The following STT3A variants were observed in gnomAD, a reference collection of about 807,000 sequenced individuals.
The protein encoded by STT3A is STT3 oligosaccharyltransferase complex catalytic subunit A, also known as dolichyl-diphosphooligosaccharide--protein glycosyltransferase subunit STT3A.
In STT3A, 34 loss-of-function variants were observed where a neutral mutation model predicts 89.2. That is an observed-to-expected ratio of 0.38 (90% CI 0.29 to 0.51). STT3A has a LOEUF of 0.51. STT3A is among the 20% of genes least tolerant of loss of function. The pLI is 0.89. For missense variants in STT3A, 555 were observed against 889.5 expected, an observed-to-expected ratio of 0.62 and a Z score of 4.78; for synonymous variants, 282 against 310.3, an observed-to-expected ratio of 0.91 and a Z score of 0.96.
chr11:125,604,770 T>TG (rs1407456456), intron 6 of STT3A, among the ~76,000 whole-genome samples: 1 of 152,226 alleles, frequency 6.6e-6, no homozygotes, highest in Non-Finnish European at 1.5e-5. Flanking sequence ...GATAGTACTA[T>TG]GTGCCATGAT....
Position 125,612,746 on chromosome 11 carries a change from A to G in STT3A, c.1364A>G (p.Glu455Gly). 1 of 1,613,766 alleles carries G rather than the reference A, an allele frequency of 6.2e-7. No individual in the cohort carries two copies. The highest frequency in any genetic ancestry group is 8.5e-7 in the Non-Finnish European group (1 of 1,179,844). Residue 455 changes from glutamate (E) to glycine (G), a missense_variant and splice_region_variant, in exon 12 of 18, where the codon GAA becomes GGA. Physicochemically the swap from Glu to Gly is moderately conservative, Grantham distance 98 (BLOSUM62 -2). Transcript: ENST00000392708. ...GATTCCACCTACCCTATTAAGAATG[A>G]AGTGAGAAGCAATGTTAAGAGTAGA... is the stretch of plus-strand genomic sequence containing the variant. ...QQDSTYPIKN[E>G]VASGMILVMA... is the part of the protein sequence containing the mutation.
chr11:125,597,414 A>C (rs1249891998), intron 3 of STT3A, among the ~76,000 whole-genome samples: 1 of 88,452 alleles, frequency 1.1e-5, no homozygotes, highest in African/African-American at 4.8e-5. Context: ...GTGAAACCCC[A>C]TCTCTACAAA....
At chr11:125,610,115 G>A (rs1757156346) in intron 10 of STT3A, among the ~76,000 whole-genome samples, 1 of 149,072 alleles carries the variant, frequency 6.7e-6, no homozygotes, top group Non-Finnish European at 1.5e-5. Flanking sequence ...TAGGCTTCAG[G>A]GCAGTGGTAC....
intron 15 of STT3A, among the ~76,000 whole-genome samples, chr11:125,615,047 G>A (rs1402434765): frequency 1.3e-5 from 2 of 152,024 alleles, no homozygotes; most frequent in Non-Finnish European, 2.9e-5. Flanking sequence ...AGGCCAAGGC[G>A]GGCGGATCAC....
upstream of STT3A, chr11:125,592,286 G>A: frequency 2.5e-6 from 1 of 399,568 alleles, no homozygotes; most frequent in Admixed American, 2.8e-5. Flanking sequence ...AAAAGCTCGA[G>A]TCAACTATCA....
intron 9 of STT3A, 33 bp downstream of exon 9, chr11:125,608,322 C>CTT: frequency 6.7e-7 from 1 of 1,496,402 alleles, no homozygotes; most frequent in Non-Finnish European, 9.0e-7. Flanking sequence ...TTCCTTTTTT[C>CTT]TTTTTTTTTA....
At chr11:125,611,184 ATATAG>A (rs1167508948) in intron 10 of STT3A, 3 of 329,022 alleles carry the variant, frequency 9.1e-6, no homozygotes, top group African/African-American at 4.2e-5. Context: ...CATTTTATAA[ATATAG>A]TATAATTAGC....
At chr11:125,604,037 A>G (rs1939764888) in intron 5 of STT3A, 120 bp from the exon 6 acceptor site, 2 of 1,004,522 alleles carry the variant, frequency 2.0e-6, no homozygotes, top group Non-Finnish European at 2.9e-6. Flanking sequence ...TCTCACATCT[A>G]CCTTCGAAAT....
At chr11:125,601,078 T>C (rs759111518) in intron 3 of STT3A, among the ~76,000 whole-genome samples, 2 of 152,234 alleles carry the variant, frequency 1.3e-5, no homozygotes, top group Non-Finnish European at 2.9e-5. Flanking sequence ...TGAGCTGCCA[T>C]GCCTGGCTGT....
At position 125,609,431 on chromosome 11, in the gene STT3A, T is replaced by C. The variant is rs1451096421; in HGVS notation, c.962-3T>C. The C allele has an allele frequency of 6.3e-7, 1 of 1,599,302 alleles. No homozygotes were observed. Among genetic ancestry groups the C allele is most frequent in the Non-Finnish European group, 8.5e-7 (1 of 1,174,570 alleles). ...GGAATATTTATTGCCTCTTTGCTGC[T>C]AGGAAAAATATCTCCCTGGACGGGG... On this transcript the variant is annotated splice_polypyrimidine_tract_variant and splice_region_variant and intron_variant, in intron 9 of 17. Coordinates refer to ENST00000392708, the MANE Select transcript of STT3A (RefSeq NM_152713.5).
intron 10 of STT3A, chr11:125,611,183 A>C (rs1028956620): frequency 9.6e-6 from 3 of 313,734 alleles, no homozygotes; most frequent in Admixed American, 4.6e-5. Flanking sequence ...CCATTTTATA[A>C]ATATAGTATA....
rs59685125 is a variant in STT3A, at chr11:125,611,863, ATTTTTTTTTTTTTTTTT to A, written c.1209+359_1209+375del. Among the ~76,000 whole-genome samples the A allele has an allele frequency of 1.1e-4, 6 of 56,972 alleles. No individual in the cohort carries two copies. In the South Asian group the frequency reaches 2.4e-3, roughly 23 times the overall value. The allele number at this position is 56,972 out of a possible 152,430, so 37.4% of individuals were successfully genotyped here. A position where few individuals can be genotyped will look rare whatever the true frequency, so the allele number is the denominator to read the frequency against. Reference sequence around the variant, plus strand: ...CTAGATTGTTAGAGGAGGGATTTGAATTTTTTTTTTTTTTTTTTTTTTTTTTTTTTTGAGACAGAGTT... The same window carrying A: ...CTAGATTGTTAGAGGAGGGATTTGAATTTTTTTTTTTTTTGAGACAGAGTT... On this transcript the variant is annotated intron_variant, in intron 11 of 17. Coordinates refer to ENST00000392708, the MANE Select transcript of STT3A (RefSeq NM_152713.5).
chr11:125,601,502 T>C (rs1489675476), intron 3 of STT3A, among the ~76,000 whole-genome samples: 1 of 151,986 alleles, frequency 6.6e-6, no homozygotes. Flanking sequence ...GCGCCTGTAA[T>C]CCCAGTTACT....
Position 125,612,619 on chromosome 11 carries a change from G to A in STT3A, c.1237G>A (p.Val413Ile). 1 of 1,614,186 alleles carries A rather than the reference G, an allele frequency of 6.2e-7. No individual in the cohort carries two copies. The highest frequency in any genetic ancestry group is 1.1e-5 in the South Asian group (1 of 91,084). Residue 413 changes from valine (V) to isoleucine (I), a missense_variant, in exon 12 of 18, where the codon GTT becomes ATT. Coordinates refer to ENST00000392708, the MANE Select transcript of STT3A (RefSeq NM_152713.5). ...MVRLMLVLAPVMCILSGIGVS... is the reference protein window; with the variant it reads ...MVRLMLVLAPIMCILSGIGVS... ...GCGTCTAATGCTAGTGTTGGCACCT[G>A]TTATGTGCATTCTCTCTGGCATTGG...
In STT3A at chr11:125,596,045, G is replaced by T. The variant is rs762791608; in HGVS notation, c.88+42G>T. 4.1e-6 allele frequency: 6 copies of T among 1,468,638 alleles called. No homozygotes were observed. The East Asian group carries it at 1.2e-4, about 28-fold the overall frequency. The allele number at this position is 1,468,638 out of a possible 1,614,324, so 91.0% of individuals were successfully genotyped here. A position where few individuals can be genotyped will look rare whatever the true frequency, so the allele number is the denominator to read the frequency against. ...ACCTCTCTTTCTTTGGGGATAGAAA[G>T]AAGAAAGTCTAGAAAAAAATTGAAA... On this transcript the variant is annotated intron_variant, in intron 2 of 17. Coordinates refer to ENST00000392708, the MANE Select transcript of STT3A (RefSeq NM_152713.5).
At position 125,621,409 on chromosome 11, in the gene STT3A, C is replaced by T. The variant is rs907357689; in HGVS notation, c.*599C>T. The T allele has an allele frequency of 6.6e-6, 1 of 152,186 alleles. No individual in the cohort carries two copies. The highest frequency in any genetic ancestry group is 2.4e-5 in the African/African-American group (1 of 41,444). The allele number at this position is 152,186 out of a possible 1,614,324, so 9.4% of individuals were successfully genotyped here. A position where few individuals can be genotyped will look rare whatever the true frequency, so the allele number is the denominator to read the frequency against. Reference sequence around the variant, plus strand: ...TCTCAATGTCTTTTATCCTTAGACGCTCTTTGACTTTATAAATCAGCAGTT... The same window carrying T: ...TCTCAATGTCTTTTATCCTTAGACGTTCTTTGACTTTATAAATCAGCAGTT... On this transcript the variant is annotated 3_prime_UTR_variant, in exon 18 of 18. Transcript: ENST00000392708.
rs943782434 is a variant in STT3A, at chr11:125,595,296, G to C, written c.-35-585G>C. ...GCCTCCTGAGTAGCTGGGACTGCAGGTGCAGACCACCAAGCCTGCATAATT... is the reference window on the plus strand; with the variant it reads ...GCCTCCTGAGTAGCTGGGACTGCAGCTGCAGACCACCAAGCCTGCATAATT... On this transcript the variant is annotated intron_variant, in intron 1 of 17. Transcript: ENST00000392708. 1.1e-4 allele frequency among the ~76,000 whole-genome samples: 17 copies of C among 152,060 alleles called. 1 individual carries two copies. The highest frequency in any genetic ancestry group is 3.9e-4 in the African/African-American group (16 of 41,490).
Position 125,614,620 on chromosome 11 carries a change from A to T in STT3A, c.1774+194A>T, listed in dbSNP as rs972721454. ...TTGTAACAAGAGGACATAAATGTAA[A>T]CAATTCTTGTGTAGGTACAGCATGC... On this transcript the variant is annotated intron_variant, in intron 15 of 17. Transcript: ENST00000392708. This position sits in a 1 kb window ranked among gnomAD's most constrained non-coding sequence, Gnocchi z 4.9. 6.6e-6 allele frequency among the ~76,000 whole-genome samples: 1 copy of T among 152,100 alleles called. No homozygotes were observed. The highest frequency in any genetic ancestry group is 2.4e-5 in the African/African-American group (1 of 41,416).
upstream of STT3A, among the ~76,000 whole-genome samples, chr11:125,592,193 G>T (rs1289561868): frequency 6.6e-6 from 1 of 152,120 alleles, no homozygotes; most frequent in Non-Finnish European, 1.5e-5. Context: ...AACCCCTTTA[G>T]GCCTAGGCAC....
Sources: allele counts gnomAD v4.1 joint callset (sites outside exome capture counted in the v4.1 genomes callset), GRCh38; gene constraint gnomAD v4.1.1; non-coding constraint Gnocchi (gnomAD v3.1); transcripts MANE v1.5; gene names NCBI Gene and HGNC (gene_info 2026-07-23, HGNC 2026-07-21).